IFTAP: variants seen among roughly 807,000 people sequenced by gnomAD.
The protein encoded by IFTAP is intraflagellar transport-associated protein.
A neutral mutation model predicts 19.4 loss-of-function variants in IFTAP; 19 were observed. The observed-to-expected ratio is 0.98, with a 90% CI of 0.68 to 1.44. IFTAP has a LOEUF of 1.44. Among genes scored for constraint, IFTAP ranks in the 40% most tolerant of loss-of-function variants. IFTAP has a pLI of 0.00. For missense variants in IFTAP, 240 were observed against 253.6 expected (o/e 0.95, Z 0.36); for synonymous variants, 85 against 83.5 (o/e 1.02, Z -0.10).
chr11:36,617,045 A>C (rs1194131831), intron 2 of IFTAP, among the ~76,000 whole-genome samples: 1 of 151,596 alleles, frequency 6.6e-6, no homozygotes, highest in Non-Finnish European at 1.5e-5. Flanking sequence ...CATAAAACAT[A>C]CACTGGATTT....
chr11:36,642,715 A>G (rs12277101), intron 4 of IFTAP, among the ~76,000 whole-genome samples: 20,596 of 152,124 alleles, frequency 0.14, 2,136 homozygotes, highest in African/African-American at 0.29. Flanking sequence ...ACGCAAATCA[A>G]TAAACGTAAT....
At chr11:36,610,390 GC>G in intron 2 of IFTAP, 151 bp downstream of exon 2, 1 of 688,586 alleles carries the variant, frequency 1.5e-6, no homozygotes. Flanking sequence ...CGTGACTGAT[GC>G]CCTAATGTTA....
intron 1 of IFTAP, among the ~76,000 whole-genome samples, chr11:36,602,162 A>G (rs567112916): frequency 3.2e-4 from 49 of 152,362 alleles, no homozygotes; most frequent in African/African-American, 1.1e-3. Flanking sequence ...AATAGCTGGG[A>G]AACAAATCTA....
At chr11:36,645,033 C>T (rs1027119297) in intron 4 of IFTAP, among the ~76,000 whole-genome samples, 24 of 151,970 alleles carry the variant, frequency 1.6e-4, no homozygotes, top group East Asian at 3.9e-4. Context: ...GTGATCTGGA[C>T]GGCTAAAGTG....
At chr11:36,638,674 A>C (rs2133474425) in intron 4 of IFTAP, among the ~76,000 whole-genome samples, 1 of 152,330 alleles carries the variant, frequency 6.6e-6, no homozygotes, top group East Asian at 1.9e-4. Context: ...GTGACATTTT[A>C]AATAGTAAAG....
At chr11:36,647,833 C>T (rs1853549843) in intron 4 of IFTAP, among the ~76,000 whole-genome samples, 183 bp from the exon 5 acceptor site, 1 of 152,044 alleles carries the variant, frequency 6.6e-6, no homozygotes, top group African/African-American at 2.4e-5. Flanking sequence ...GCACTAATGG[C>T]TTCTATTATG....
intron 1 of IFTAP, among the ~76,000 whole-genome samples, chr11:36,597,910 A>T (rs1851342112): frequency 1.3e-5 from 2 of 152,146 alleles, no homozygotes; most frequent in Non-Finnish European, 2.9e-5. Context: ...AGGCCTAATA[A>T]TTAAATCCCT....
chr11:36,656,235 G>C (rs1358225992), intron 5 of IFTAP, among the ~76,000 whole-genome samples: 1 of 152,188 alleles, frequency 6.6e-6, no homozygotes, highest in Middle Eastern at 3.4e-3. Context: ...AGTGATGTGT[G>C]GGGAGGCTAG....
At chr11:36,600,629 A>G (rs555039592) in intron 1 of IFTAP, among the ~76,000 whole-genome samples, 5 of 152,324 alleles carry the variant, frequency 3.3e-5, no homozygotes, top group African/African-American at 4.8e-5. Flanking sequence ...AAGAACATAT[A>G]TGATAGTAGA....
At chr11:36,651,003 C>T (rs1461254333) in intron 5 of IFTAP, among the ~76,000 whole-genome samples, 1 of 152,130 alleles carries the variant, frequency 6.6e-6, no homozygotes, top group East Asian at 1.9e-4. Flanking sequence ...GTGAATAATG[C>T]CGCAATAAAC....
At chr11:36,646,421 T>G (rs1186056544) in intron 4 of IFTAP, among the ~76,000 whole-genome samples, 1 of 152,186 alleles carries the variant, frequency 6.6e-6, no homozygotes, top group African/African-American at 2.4e-5. Flanking sequence ...AGTTTGGCTT[T>G]GAACTCATAA....
intron 2 of IFTAP, among the ~76,000 whole-genome samples, chr11:36,630,873 T>C (rs893838590): frequency 3.3e-5 from 5 of 151,400 alleles, no homozygotes; most frequent in Non-Finnish European, 7.4e-5. Context: ...CCACAGGAAG[T>C]CTGCTTTCCT....
chr11:36,648,365 A>G, intron 5 of IFTAP: 1 of 595,890 alleles, frequency 1.7e-6, no homozygotes, highest in Non-Finnish European at 2.8e-6. Context: ...TGTGGAAACC[A>G]TTTTTGTTTT....
chr11:36,611,446 T>C (rs1441911923), intron 2 of IFTAP, among the ~76,000 whole-genome samples: 1 of 151,814 alleles, frequency 6.6e-6, no homozygotes, highest in East Asian at 1.9e-4. Context: ...GAACAGGGAG[T>C]TCCATAATCT....
At chr11:36,642,445 C>G (rs891839935) in intron 4 of IFTAP, among the ~76,000 whole-genome samples, 12 of 152,134 alleles carry the variant, frequency 7.9e-5, no homozygotes, top group Non-Finnish European at 1.5e-5. Flanking sequence ...GGAGCTGGTA[C>G]CATTCCTTCT....
chr11:36,634,814 A>AT (rs61621909), intron 3 of IFTAP, among the ~76,000 whole-genome samples: 5 of 151,614 alleles, frequency 3.3e-5, no homozygotes, highest in African/African-American at 4.8e-5. Context: ...TGTCCTTACA[A>AT]TTTTTTTTTA....
Position 36,610,068 on chromosome 11 carries a change from TTC to T in IFTAP, c.-23-11_-23-10del. 6.2e-7 allele frequency: 1 copy of T among 1,606,094 alleles called. No individual in the cohort carries two copies. The highest frequency in any genetic ancestry group is 8.5e-7 in the Non-Finnish European group (1 of 1,175,874). On this transcript the variant is annotated splice_polypyrimidine_tract_variant and intron_variant, in intron 1 of 5. Transcript: ENST00000334307. ...GCCTGATTCTCTCTAGCTGGTATTT[TTC>T]TGTCTTGCAGATACTGTGGCCTCAT...
intron 2 of IFTAP, among the ~76,000 whole-genome samples, chr11:36,613,376 C>T (rs1228920482): frequency 6.6e-6 from 1 of 152,070 alleles, no homozygotes; most frequent in East Asian, 1.9e-4. Context: ...GATGTGAATA[C>T]TTATATTTGA....
intron 1 of IFTAP, among the ~76,000 whole-genome samples, chr11:36,597,226 T>C (rs1040819059): frequency 6.6e-6 from 1 of 152,248 alleles, no homozygotes; most frequent in Non-Finnish European, 1.5e-5. Flanking sequence ...AACTTGAATA[T>C]ATTTTTCACT....
Sources: allele counts gnomAD v4.1 joint callset (sites outside exome capture counted in the v4.1 genomes callset), GRCh38; gene constraint gnomAD v4.1.1; transcripts MANE v1.5; gene names NCBI Gene and HGNC (gene_info 2026-07-23, HGNC 2026-07-21).